CLSPN: variants seen among roughly 807,000 people sequenced by gnomAD.
CLSPN encodes the protein claspin homolog.
Under a neutral mutation model 156.3 loss-of-function variants are expected in CLSPN, and 85 were observed. That is an observed-to-expected ratio of 0.54 (90% confidence interval 0.46 to 0.65). The LOEUF (loss-of-function observed/expected upper bound fraction) is 0.65, where lower values mean the gene tolerates loss of function less well. Among genes scored for constraint, CLSPN ranks in the 30% least tolerant of loss-of-function variants. The pLI is 0.00. For missense variants in CLSPN, 1,407 were observed against 1,554.9 expected (o/e 0.90, Z 1.60); for synonymous variants, 534 against 542.4 (o/e 0.98, Z 0.22).
chr1:35,760,283 T>C (rs1184474468), intron 8 of CLSPN, 59 bp downstream of exon 8: 8 of 1,366,964 alleles, frequency 5.9e-6, no homozygotes. Flanking sequence ...CAGTAGTCAA[T>C]AATCAAAAGC....
At position 35,745,487 on chromosome 1, in the gene CLSPN, G is replaced by A; in HGVS notation, c.2930C>T (p.Ala977Val). 1 of 1,613,866 alleles carries A rather than the reference G, an allele frequency of 6.2e-7. No homozygotes were observed. The highest frequency in any genetic ancestry group is 8.5e-7 in the Non-Finnish European group (1 of 1,179,854). Reference sequence around the variant, plus strand: ...AAAAGAGCCTGAGCAAAGAGCAAGTGCTTCTTCCATTGGATCACCCATGCT... The same window carrying A: ...AAAAGAGCCTGAGCAAAGAGCAAGTACTTCTTCCATTGGATCACCCATGCT... ...ESSMGDPMEE[A>V]LALCSGSFPT... Residue 977 changes from alanine (A) to valine (V), a missense_variant, in exon 16 of 25, where the codon GCA becomes GTA. This residue lies in a region of CLSPN where 1,096 missense variants were observed against 1,193.0 expected (regional missense o/e 0.92). Coordinates refer to ENST00000318121, the MANE Select transcript of CLSPN (RefSeq NM_022111.4).
downstream of CLSPN, chr1:35,732,085 G>A (rs1641330091): frequency 2.2e-6 from 2 of 900,256 alleles, no homozygotes; most frequent in South Asian, 5.1e-5. Flanking sequence ...CCATGACTTA[G>A]TATCCTCATT....
intron 12 of CLSPN, chr1:35,748,820 CTT>C (rs201350754): frequency 0.048 from 13,442 of 279,876 alleles, 2 homozygotes; most frequent in Non-Finnish European, 0.058. Context: ...CTTGAAAGTT[CTT>C]TTTTTTTTTT....
chr1:35,740,161 G>A (rs145643311), intron 18 of CLSPN, among the ~76,000 whole-genome samples: 1 of 152,258 alleles, frequency 6.6e-6, no homozygotes, highest in Admixed American at 6.5e-5. Context: ...AACTAGAGAT[G>A]GTGTGGTGTA....
rs1056188788 is a variant in CLSPN, at chr1:35,735,123, G to A, written c.*1373C>T. Reference sequence around the variant, plus strand: ...TGTTTCTTCTTGTCAGACCCAGAAGGGAGATCTTTGAACAACAGTGCTTCA... The same window carrying A: ...TGTTTCTTCTTGTCAGACCCAGAAGAGAGATCTTTGAACAACAGTGCTTCA... On this transcript the variant is annotated 3_prime_UTR_variant, in exon 25 of 25. Transcript: ENST00000318121. The A allele has an allele frequency of 8.2e-5, 81 of 985,284 alleles. No homozygotes were observed. Among genetic ancestry groups the A allele is most frequent in the African/African-American group, 8.0e-4 (46 of 57,226 alleles). The allele number at this position is 985,284 out of a possible 1,614,324, so 61.0% of individuals were successfully genotyped here.
In CLSPN at chr1:35,737,438, G is replaced by A; in HGVS notation, c.3665-17C>T. On this transcript the variant is annotated splice_polypyrimidine_tract_variant and intron_variant, in intron 22 of 24. Transcript: ENST00000318121. ...GGCGACTGGCTGGAAAGAAAAGACA[G>A]AGAGGCCTATTCTGGGAAAAGCTGA... The A allele has an allele frequency of 6.3e-7, 1 of 1,596,652 alleles. No homozygotes were observed. The highest frequency in any genetic ancestry group is 8.6e-7 in the Non-Finnish European group (1 of 1,164,476).
At position 35,737,987 on chromosome 1, in the gene CLSPN, C is replaced by A; in HGVS notation, c.3664+5G>T. The A allele has an allele frequency of 6.9e-7, 1 of 1,443,774 alleles. No homozygotes were observed. The allele number at this position is 1,443,774 out of a possible 1,614,324, so 89.4% of individuals were successfully genotyped here. The stretch of plus-strand genomic sequence containing the variant: ...GCTAGACCCTAAGGAGAAACAAGAG[C>A]TCACCATTCTTCTGCAGTGCTTTGG... On this transcript the variant is annotated splice_donor_5th_base_variant and intron_variant, in intron 22 of 24. Coordinates refer to ENST00000318121, the MANE Select transcript of CLSPN (RefSeq NM_022111.4).
chr1:35,721,532 C>T (rs754271158), intron 24 of CLSPN, among the ~76,000 whole-genome samples: 17 of 152,070 alleles, frequency 1.1e-4, no homozygotes, highest in East Asian at 5.8e-4. Flanking sequence ...GGGTTACAGG[C>T]GCGTGCCACC....
At chr1:35,722,093 C>T (rs768571875) in intron 24 of CLSPN, among the ~76,000 whole-genome samples, 36 of 151,056 alleles carry the variant, frequency 2.4e-4, no homozygotes, top group African/African-American at 7.3e-4. Context: ...GAGCCAAGAT[C>T]GTGCCACTGC....
At chr1:35,748,798 AGCT>A (rs1205077129) in intron 12 of CLSPN, 194 bp from the exon 13 acceptor site, 1 of 511,722 alleles carries the variant, frequency 2.0e-6, no homozygotes, top group Non-Finnish European at 3.7e-6. Context: ...TATTACTCTG[AGCT>A]AAGTGACACT....
intron 6 of CLSPN, among the ~76,000 whole-genome samples, chr1:35,761,765 AACCATTAAAAAATTTCCTCCTT>A (rs1642485177): frequency 6.6e-6 from 1 of 152,236 alleles, no homozygotes; most frequent in Admixed American, 6.5e-5. Context: ...GTCCATAGAC[AACCATTAAAAAATTTCCTCCTT>A]ACCTGCACTA....
chr1:35,757,648 T>A (rs191666914), intron 8 of CLSPN, among the ~76,000 whole-genome samples: 1 of 152,196 alleles, frequency 6.6e-6, no homozygotes, highest in Non-Finnish European at 1.5e-5. Context: ...CAAAAAATGT[T>A]TCTCCCTTTC....
rs547883280 is a variant in CLSPN at position 35,736,695 on chromosome 1, G to A, written c.3910-89C>T. 1.6e-5 allele frequency: 24 copies of A among 1,494,450 alleles called. No individual in the cohort carries two copies. In the East Asian group the frequency reaches 3.5e-4, roughly 22 times the overall value. 92.6% of individuals were successfully genotyped at this position (1,494,450 alleles called of 1,614,324 possible). On this transcript the variant is annotated intron_variant, in intron 24 of 24. Coordinates refer to ENST00000318121, the MANE Select transcript of CLSPN (RefSeq NM_022111.4). ...AGCTCTCAAGCAACTCATAAATTGT[G>A]GATGATTAACAACAGAAAAAAAGAA...
rs539123596 is a variant in CLSPN, at chr1:35,734,125, T to C, written c.*2371A>G. 111 of 985,390 alleles carry C rather than the reference T, an allele frequency of 1.1e-4. No individual in the cohort carries two copies. The African/African-American group carries it at 1.7e-3, about 15-fold the overall frequency. The allele number at this position is 985,390 out of a possible 1,614,324, so 61.0% of individuals were successfully genotyped here. ...GACTGAGAAGCCAGTGAGGGGACAA[T>C]TGCAGCAGCTTCTCAGTTTAGACCC... On this transcript the variant is annotated 3_prime_UTR_variant, in exon 25 of 25. Transcript: ENST00000318121.
At chr1:35,769,377 A>T (rs1642782747) in intron 1 of CLSPN, among the ~76,000 whole-genome samples, 1 of 152,104 alleles carries the variant, frequency 6.6e-6, no homozygotes, top group Admixed American at 6.5e-5. Context: ...CCTGCGCGCG[A>T]TGACCTCCAG....
intron 1 of CLSPN, among the ~76,000 whole-genome samples, chr1:35,769,283 A>G (rs181631623): frequency 1.0e-3 from 158 of 152,248 alleles, no homozygotes; most frequent in Admixed American, 1.8e-3. Context: ...TCTATGCCCA[A>G]TTTCGCCAGG....
Position 35,748,542 on chromosome 1 carries a change from T to C in CLSPN, c.2335A>G (p.Ile779Val). 3.7e-6 allele frequency: 6 copies of C among 1,614,152 alleles called. No individual in the cohort carries two copies. Among genetic ancestry groups the C allele is most frequent in the Non-Finnish European group, 5.1e-6 (6 of 1,180,022 alleles). The change falls in exon 13 of 25, where the codon ATT (isoleucine) becomes GTT (valine). Residue 779 changes from isoleucine (I) to valine (V), a missense_variant. By Grantham distance (29) the Ile-to-Val change is conservative (BLOSUM62 3). This residue lies in a region of CLSPN where 1,096 missense variants were observed against 1,193.0 expected (regional missense o/e 0.92). Coordinates refer to ENST00000318121, the MANE Select transcript of CLSPN (RefSeq NM_022111.4). ...TGATAGGATGGAATCGTGGAGCCAA[T>C]CAGCTCAAAGCTGCTATTGTGGCTG... ...ESSHNSSFELIGSTIPSYQPC... is the reference protein window; with the variant it reads ...ESSHNSSFELVGSTIPSYQPC...
rs116811460 is a variant in CLSPN at position 35,748,464 on chromosome 1, C to T, written c.2413G>A (p.Gly805Arg). 3.7e-4 allele frequency: 592 copies of T among 1,614,154 alleles called. 3 individuals carry two copies. The African/African-American group carries it at 5.6e-3, about 15-fold the overall frequency. The change falls in exon 13 of 25, where the codon GGA becomes AGA. Residue 805 changes from glycine (G) to arginine (R), a missense_variant. Physicochemically the swap from Gly to Arg is moderately radical, Grantham distance 125. Coordinates refer to ENST00000318121, the MANE Select transcript of CLSPN (RefSeq NM_022111.4). ...AGCCCAGGGGAAGGAGATCTGAATC[C>T]TCCTGCTGTAGGGAAAAAACTGGTC... ...RGTSFFPTAG[G>R]FRSPSPGLFR...
chr1:35,745,413 G>A (rs1012705686), intron 16 of CLSPN, 38 bp downstream of exon 16: 5 of 1,381,390 alleles, frequency 3.6e-6, no homozygotes, highest in Admixed American at 1.7e-5. Context: ...TTATCAAAAG[G>A]CCAGGCCTTC....
Sources: gnomAD v4.1 joint callset for allele counts (sites outside exome capture counted in the v4.1 genomes callset) on GRCh38, gnomAD v4.1.1 for gene constraint, gnomAD v4.1.1 regional missense constraint, MANE v1.5 for transcripts, NCBI Gene and HGNC (gene_info 2026-07-23, HGNC 2026-07-21) for gene names.